Variants in LSAMP observed in about 807,000 individuals in gnomAD.
LSAMP encodes limbic system-associated membrane protein.
Under a neutral mutation model 38.6 loss-of-function variants are expected in LSAMP, and 7 were observed. The ratio of observed to expected loss-of-function variants is 0.18; its 90% CI spans 0.10 to 0.34. The LOEUF (loss-of-function observed/expected upper bound fraction) is 0.34. Ranked by LOEUF, LSAMP falls within the 10% of genes least tolerant of loss-of-function variation. The probability of loss-of-function intolerance (pLI) is 1.00; values close to 1 mark genes in which losing one functional copy is unlikely to be tolerated. For synonymous variants in LSAMP, 154 were observed against 166.8 expected (o/e 0.92, Z 0.59); for missense variants, 313 against 420.0 (o/e 0.75, Z 2.23).
intron 3 of LSAMP, among the ~76,000 whole-genome samples, chr3:115,958,351 C>G (rs1169849254): frequency 6.6e-6 from 1 of 152,134 alleles, no homozygotes; most frequent in Admixed American, 6.5e-5. Context: ...TTACAAATAA[C>G]TATAGGGTAA....
At chr3:116,390,045 C>A (rs1485910887) in intron 1 of LSAMP, among the ~76,000 whole-genome samples, 1 of 151,854 alleles carries the variant, frequency 6.6e-6, no homozygotes, top group Non-Finnish European at 1.5e-5. Flanking sequence ...TAATGGGTGG[C>A]AACTTGGACT....
intron 1 of LSAMP, among the ~76,000 whole-genome samples, chr3:116,144,322 T>C (rs1709441894): frequency 6.6e-6 from 1 of 151,908 alleles, no homozygotes; most frequent in Non-Finnish European, 1.5e-5. Context: ...GGATTGCTTG[T>C]GACCAGCCTG....
At chr3:116,080,000 T>G (rs1393096582) in intron 2 of LSAMP, among the ~76,000 whole-genome samples, 1 of 152,194 alleles carries the variant, frequency 6.6e-6, no homozygotes, top group East Asian at 1.9e-4. Flanking sequence ...ATATCCTTAT[T>G]TTAATACCTA....
chr3:116,040,861 TG>T (rs1215924979), intron 2 of LSAMP, among the ~76,000 whole-genome samples: 1 of 152,222 alleles, frequency 6.6e-6, no homozygotes, highest in Non-Finnish European at 1.5e-5. Context: ...CCTTCTGAGT[TG>T]CTAGAACTAC....
At chr3:115,871,728 T>C (rs1274962404) in intron 3 of LSAMP, among the ~76,000 whole-genome samples, 1 of 152,004 alleles carries the variant, frequency 6.6e-6, no homozygotes. Context: ...TGCTAGACTT[T>C]CCTTGGTTAC....
chr3:115,962,645 A>C (rs564673831), intron 3 of LSAMP, among the ~76,000 whole-genome samples: 1 of 152,344 alleles, frequency 6.6e-6, no homozygotes, highest in South Asian at 2.1e-4. Context: ...CTACATATAC[A>C]TAAGCTGTTT....
chr3:115,948,870 C>T (rs1055096289), intron 3 of LSAMP, among the ~76,000 whole-genome samples: 3 of 152,134 alleles, frequency 2.0e-5, no homozygotes, highest in Admixed American at 2.0e-4. Flanking sequence ...TGGTGGCTTA[C>T]ACCTGTAATC....
chr3:116,221,444 T>C (rs1024279003), intron 1 of LSAMP, among the ~76,000 whole-genome samples: 1 of 152,142 alleles, frequency 6.6e-6, no homozygotes, highest in Non-Finnish European at 1.5e-5. Flanking sequence ...CTAGCTACGC[T>C]CTGAACTAGC....
intron 1 of LSAMP, among the ~76,000 whole-genome samples, chr3:116,355,587 G>A (rs907549852): frequency 9.9e-5 from 15 of 152,068 alleles, no homozygotes; most frequent in African/African-American, 3.4e-4. Flanking sequence ...ATAGGCAAAT[G>A]GATCACATCA....
intron 3 of LSAMP, among the ~76,000 whole-genome samples, chr3:115,990,654 T>C (rs976057145): frequency 1.3e-5 from 2 of 152,096 alleles, no homozygotes; most frequent in African/African-American, 4.8e-5. Context: ...TCTGTTACTG[T>C]CATTGAATGA....
chr3:115,920,081 C>T (rs945895254), intron 3 of LSAMP, among the ~76,000 whole-genome samples: 1 of 152,138 alleles, frequency 6.6e-6, no homozygotes, highest in African/African-American at 2.4e-5. Flanking sequence ...TTTTTCTTAT[C>T]CTTTCAATGA....
intron 3 of LSAMP, among the ~76,000 whole-genome samples, chr3:115,888,987 G>A (rs987879406): frequency 5.3e-5 from 8 of 151,888 alleles, no homozygotes; most frequent in Non-Finnish European, 8.8e-5. Context: ...ACCACGCAGA[G>A]AGAATGGACA....
chr3:116,024,603 G>T (rs1016392591), intron 2 of LSAMP, among the ~76,000 whole-genome samples: 3 of 151,976 alleles, frequency 2.0e-5, no homozygotes, highest in African/African-American at 7.3e-5. Context: ...CTGTGAGGAC[G>T]GAGAAATAGA....
chr3:116,034,951 T>C (rs1941015036), intron 2 of LSAMP, among the ~76,000 whole-genome samples: 1 of 152,190 alleles, frequency 6.6e-6, no homozygotes, highest in Admixed American at 6.5e-5. Flanking sequence ...CTACTGACTT[T>C]TCATGAAGCT....
At chr3:116,071,996 G>A (rs1034447826) in intron 2 of LSAMP, among the ~76,000 whole-genome samples, 4 of 127,618 alleles carry the variant, frequency 3.1e-5, no homozygotes, top group African/African-American at 1.2e-4. Context: ...TTTTTTTTGA[G>A]ATGGAGTCTT....
At chr3:115,942,618 A>C (rs1343716064) in intron 3 of LSAMP, among the ~76,000 whole-genome samples, 4 of 152,160 alleles carry the variant, frequency 2.6e-5, no homozygotes, top group African/African-American at 9.7e-5. Flanking sequence ...TGATGATTCC[A>C]TCATTTCATG....
intron 3 of LSAMP, among the ~76,000 whole-genome samples, chr3:115,853,591 A>T (rs1935402149): frequency 6.6e-6 from 1 of 152,174 alleles, no homozygotes; most frequent in Non-Finnish European, 1.5e-5. Flanking sequence ...ATAAGGAAGA[A>T]GTAGAGAGGG....
intron 3 of LSAMP, among the ~76,000 whole-genome samples, chr3:115,896,303 A>G (rs141753074): frequency 0.016 from 2,438 of 152,204 alleles, 36 homozygotes; most frequent in Middle Eastern, 0.044. Flanking sequence ...ACTAGTAGCT[A>G]AAAATAATGG....
chr3:116,434,344 A>T (rs1483797614), intron 1 of LSAMP, among the ~76,000 whole-genome samples: 1 of 152,200 alleles, frequency 6.6e-6, no homozygotes, highest in Non-Finnish European at 1.5e-5. Context: ...AGCAAATGAA[A>T]TGCCTATATT....
Sources: allele counts gnomAD v4.1 joint callset (sites outside exome capture counted in the v4.1 genomes callset), GRCh38; gene constraint gnomAD v4.1.1; transcripts MANE v1.5; gene names NCBI Gene and HGNC (gene_info 2026-07-23, HGNC 2026-07-21).